Variants in POMK observed in about 807,000 individuals in gnomAD.
The protein encoded by POMK is Sugen kinase 196.
Under a neutral mutation model 23.0 loss-of-function variants are expected in POMK, and 19 were observed. That is an observed-to-expected ratio of 0.83 (90% confidence interval 0.58 to 1.21). The LOEUF (loss-of-function observed/expected upper bound fraction) is 1.21. Ranked by LOEUF, POMK falls within the 50% of genes most tolerant of loss-of-function variation. The probability of loss-of-function intolerance (pLI) is 0.00; values close to 1 mark genes in which losing one functional copy is unlikely to be tolerated. For missense variants in POMK, 410 were observed against 431.3 expected (o/e 0.95, Z 0.44); for synonymous variants, 173 against 171.6 (o/e 1.01, Z -0.06).
chr8:43,122,874 G>T lies in POMK; in HGVS notation c.1050G>T (p.Leu350=), dbSNP rs766542633. The T allele has an allele frequency of 6.2e-7, 1 of 1,602,286 alleles. No homozygotes were observed. The highest frequency in any genetic ancestry group is 8.5e-7 in the Non-Finnish European group (1 of 1,175,546). ...DAMMSQAREM[L] is the part of the protein sequence containing the mutation. ...TGATGTCTCAGGCAAGAGAGATGCT[G>T]TGAAAACCAGTCCAGCCAATGAAGG... Residue 350 remains leucine, a synonymous_variant, in exon 5 of 5, where the codon CTG becomes CTT. Coordinates refer to ENST00000331373, the MANE Select transcript of POMK (RefSeq NM_032237.5).
chr8:43,111,787 C>T (rs554469605), intron 4 of POMK, among the ~76,000 whole-genome samples: 9 of 152,330 alleles, frequency 5.9e-5, no homozygotes, highest in South Asian at 2.1e-4. Flanking sequence ...CTGCAGCCCC[C>T]GCTGCTGATA....
At position 43,094,876 on chromosome 8, in the gene POMK, C is replaced by G. The variant is rs1291204384; in HGVS notation, c.-210+1313C>G. 1.3e-5 allele frequency among the ~76,000 whole-genome samples: 2 copies of G among 152,212 alleles called. 1 individual carries two copies. The highest frequency in any genetic ancestry group is 1.3e-4 in the Admixed American group (2 of 15,282). Reference sequence around the variant, plus strand: ...CGTGCCTGAATTTCTTCTGCCCAACCTGCCCCACCATCTTTATTCCTTAAT... The same window carrying G: ...CGTGCCTGAATTTCTTCTGCCCAACGTGCCCCACCATCTTTATTCCTTAAT... On this transcript the variant is annotated intron_variant, in intron 1 of 4. Coordinates refer to ENST00000331373, the MANE Select transcript of POMK (RefSeq NM_032237.5).
At chr8:43,120,499 G>T (rs1369597858) in intron 4 of POMK, among the ~76,000 whole-genome samples, 1 of 151,732 alleles carries the variant, frequency 6.6e-6, no homozygotes, top group Non-Finnish European at 1.5e-5. Flanking sequence ...GGGATTATAG[G>T]TATGAGCCAC....
At chr8:43,113,684 C>T (rs1326457246) in intron 4 of POMK, among the ~76,000 whole-genome samples, 1 of 152,240 alleles carries the variant, frequency 6.6e-6, no homozygotes, top group Admixed American at 6.5e-5. Flanking sequence ...AGGAGAGACG[C>T]TCTGCTTTTT....
chr8:43,109,428 GAA>G (rs1811604703), intron 4 of POMK, among the ~76,000 whole-genome samples: 2 of 152,142 alleles, frequency 1.3e-5, no homozygotes, highest in East Asian at 1.9e-4. Flanking sequence ...TTTTAAAAGA[GAA>G]AACTGAATTT....
intron 1 of POMK, among the ~76,000 whole-genome samples, chr8:43,095,256 A>T (rs1430817903): frequency 6.6e-6 from 1 of 152,188 alleles, no homozygotes; most frequent in Admixed American, 6.5e-5. Flanking sequence ...CAGTTGTCTT[A>T]TCTGTGAAAT....
At chr8:43,101,187 C>T (rs867222021) in intron 2 of POMK, among the ~76,000 whole-genome samples, 15 of 151,904 alleles carry the variant, frequency 9.9e-5, no homozygotes, top group Non-Finnish European at 2.1e-4. Context: ...ATTTGGGAGG[C>T]TGACGCAGGA....
intron 4 of POMK, among the ~76,000 whole-genome samples, chr8:43,115,278 C>T (rs1446112672): frequency 5.3e-5 from 8 of 152,156 alleles, no homozygotes; most frequent in Admixed American, 1.3e-4. Context: ...GCTTGTACCC[C>T]GCATGACGTC....
chr8:43,101,520 G>A (rs774389766), intron 2 of POMK, among the ~76,000 whole-genome samples: 1 of 151,992 alleles, frequency 6.6e-6, no homozygotes, highest in Non-Finnish European at 1.5e-5. Context: ...TCAAAGCCAT[G>A]TAGAACTGAG....
intron 4 of POMK, among the ~76,000 whole-genome samples, chr8:43,119,479 CTGGTGTGCAG>C (rs1177673886): frequency 7.6e-6 from 1 of 130,844 alleles, no homozygotes; most frequent in Non-Finnish European, 1.5e-5. Flanking sequence ...TCTAACCAGG[CTGGTGTGCAG>C]TGGTGTGATC....
chr8:43,119,950 A>T (rs1319707767), intron 4 of POMK, among the ~76,000 whole-genome samples: 14 of 147,292 alleles, frequency 9.5e-5, no homozygotes, highest in African/African-American at 2.5e-4. Flanking sequence ...TTTTTTTTTT[A>T]AATTCCCAAT....
At position 43,103,587 on chromosome 8, in the gene POMK, C is replaced by A. The variant is rs762781994; in HGVS notation, c.39C>A (p.Ala13=). 6.8e-6 allele frequency: 11 copies of A among 1,614,046 alleles called. No individual in the cohort carries two copies. The highest frequency in any genetic ancestry group is 6.6e-5 in the South Asian group (6 of 91,090). ...KQPQNSRRGL[A]PREVPPAVGL... ...CCCAGAACAGCAGGAGAGGCCTCGC[C>A]CCCCGAGAGGTGCCGCCAGCTGTTG... The change falls in exon 4 of 5, where the codon GCC becomes GCA. Residue 13 remains alanine, a synonymous_variant. Coordinates refer to ENST00000331373, the MANE Select transcript of POMK (RefSeq NM_032237.5).
At chr8:43,115,345 G>A (rs1383752910) in intron 4 of POMK, among the ~76,000 whole-genome samples, 3 of 152,082 alleles carry the variant, frequency 2.0e-5, no homozygotes. Flanking sequence ...TTTCTATACA[G>A]CTGCCTACCC....
intron 2 of POMK, among the ~76,000 whole-genome samples, chr8:43,101,158 C>T (rs1474403707): frequency 6.6e-6 from 1 of 152,006 alleles, no homozygotes. Flanking sequence ...TGCAGTGGCT[C>T]ATGCCTGTAA....
intron 4 of POMK, among the ~76,000 whole-genome samples, chr8:43,117,541 G>A (rs57660488): frequency 0.019 from 2,896 of 152,164 alleles, 57 homozygotes; most frequent in African/African-American, 0.052. Flanking sequence ...GTTCAAACCC[G>A]TGTTGTTCAA....
chr8:43,115,614 T>G (rs117982967), intron 4 of POMK, among the ~76,000 whole-genome samples: 2,319 of 152,306 alleles, frequency 0.015, 32 homozygotes, highest in Non-Finnish European at 0.022. Context: ...CAAACCACCC[T>G]GACCCTGGAC....
intron 2 of POMK, among the ~76,000 whole-genome samples, chr8:43,098,586 T>C (rs1222948770): frequency 6.6e-6 from 1 of 152,216 alleles, no homozygotes; most frequent in Non-Finnish European, 1.5e-5. Context: ...CATTCATGTA[T>C]GAGTGTGTGT....
intron 2 of POMK, among the ~76,000 whole-genome samples, chr8:43,099,402 T>C (rs1324388377): frequency 6.6e-6 from 1 of 152,192 alleles, no homozygotes; most frequent in Non-Finnish European, 1.5e-5. Context: ...CAGGCAGCGA[T>C]GAAAAGTCCT....
intron 4 of POMK, among the ~76,000 whole-genome samples, chr8:43,118,309 A>G (rs574697185): frequency 1.3e-5 from 2 of 152,236 alleles, no homozygotes; most frequent in African/African-American, 2.4e-5. Flanking sequence ...GCTGCAATGT[A>G]TGTATGTTAT....
Sources: gnomAD v4.1 joint callset for allele counts (sites outside exome capture counted in the v4.1 genomes callset) on GRCh38, gnomAD v4.1.1 for gene constraint, MANE v1.5 for transcripts, NCBI Gene and HGNC (gene_info 2026-07-23, HGNC 2026-07-21) for gene names.